Variants in ROBO2 observed in about 807,000 individuals in gnomAD.
The protein encoded by ROBO2 is roundabout guidance receptor 2.
ROBO2 carries 53 observed loss-of-function variants against 160.8 expected under a neutral mutation model. That is an observed-to-expected ratio of 0.33 (90% CI 0.26 to 0.41). The LOEUF is 0.41. Among genes scored for constraint, ROBO2 ranks in the 10% least tolerant of loss-of-function variants. ROBO2 has a pLI of 1.00. For missense variants in ROBO2, 1,577 were observed against 1,722.4 expected (o/e 0.92, Z 1.49); for synonymous variants, 664 against 611.7 (o/e 1.09, Z -1.26).
intron 2 of ROBO2, among the ~76,000 whole-genome samples, chr3:77,164,776 CGCCCGGCCAGCCGCCCCGTCCGGGAGG>C (rs2078875496): frequency 8.5e-4 from 6 of 7,046 alleles, no homozygotes; most frequent in Admixed American, 5.3e-3. Flanking sequence ...GTCAGACCCC[CGCCCGGCCAGCCGCCCCGTCCGGGAGG>C]TGAGGGGCGC....
rs1649691679 is a variant in ROBO2 at position 76,314,671 on chromosome 3, C to T, written c.109+377069C>T. Among the ~76,000 whole-genome samples, 3 of 152,042 alleles carry T rather than the reference C, an allele frequency of 2.0e-5. No homozygotes were observed. The South Asian group carries it at 6.2e-4, about 32-fold the overall frequency. ...AGGAATAGTAGATGTATTTTCTCTT[C>T]CTTACGATTTTCTTAATAACATTTT... On this transcript the variant is annotated intron_variant, in intron 2 of 26. Coordinates refer to the ROBO2 transcript ENST00000487694.
At chr3:77,158,776 C>T (rs754542194) in intron 2 of ROBO2, among the ~76,000 whole-genome samples, 1 of 151,966 alleles carries the variant, frequency 6.6e-6, no homozygotes, top group Non-Finnish European at 1.5e-5. Flanking sequence ...TTATTTATTC[C>T]ACTTCTGATA....
chr3:76,412,576 G>T (rs938635176), intron 2 of ROBO2, among the ~76,000 whole-genome samples: 3 of 152,148 alleles, frequency 2.0e-5, no homozygotes, highest in Admixed American at 2.0e-4. Context: ...GAAGAAATTA[G>T]CCCAAACAAA....
At chr3:75,947,939 A>C (rs1948379467) in intron 2 of ROBO2, among the ~76,000 whole-genome samples, 1 of 152,230 alleles carries the variant, frequency 6.6e-6, no homozygotes, top group Non-Finnish European at 1.5e-5. Context: ...TTAGATAAAG[A>C]GGAAGTCCTC....
At chr3:77,020,235 A>G (rs534713028) in intron 2 of ROBO2, among the ~76,000 whole-genome samples, 1 of 152,338 alleles carries the variant, frequency 6.6e-6, no homozygotes, top group Non-Finnish European at 1.5e-5. Context: ...AGTTAAATGT[A>G]AAAATAAAGC....
chr3:77,050,568 GT>G (rs57810780), intron 1 of ROBO2, among the ~76,000 whole-genome samples: 124,087 of 144,386 alleles, frequency 0.86, 53,482 homozygotes, highest in Non-Finnish European at 0.92. Flanking sequence ...GCTTTTGTGT[GT>G]TTTTTTTTTT....
chr3:77,319,448 C>T (rs1414372010), intron 2 of ROBO2, among the ~76,000 whole-genome samples: 3 of 152,102 alleles, frequency 2.0e-5, no homozygotes, highest in Admixed American at 6.5e-5. Context: ...ACTGATAACC[C>T]AATTGCTCAT....
chr3:77,058,024 T>C (rs958118719), intron 1 of ROBO2, among the ~76,000 whole-genome samples: 6 of 152,186 alleles, frequency 3.9e-5, no homozygotes, highest in African/African-American at 1.4e-4. Flanking sequence ...TGGATTTTGA[T>C]TGAACGTTAA....
intron 2 of ROBO2, chr3:76,435,302 T>C (rs1225782401): frequency 1.2e-5 from 12 of 971,072 alleles, no homozygotes; most frequent in Non-Finnish European, 2.0e-5. Context: ...GTGCCAAATC[T>C]TCCTAGATGA....
intron 2 of ROBO2, among the ~76,000 whole-genome samples, chr3:76,091,359 A>C (rs1461539191): frequency 6.6e-6 from 1 of 152,196 alleles, no homozygotes; most frequent in African/African-American, 2.4e-5. Context: ...TAATTAAGGA[A>C]TCGCAAATTG....
At chr3:76,717,659 T>C (rs1384908613) in intron 2 of ROBO2, among the ~76,000 whole-genome samples, 3 of 152,040 alleles carry the variant, frequency 2.0e-5, no homozygotes, top group African/African-American at 7.2e-5. Flanking sequence ...AAAGGAAATA[T>C]GAACAATAGG....
intron 6 of ROBO2, among the ~76,000 whole-genome samples, chr3:77,544,260 A>G (rs375094023): frequency 6.6e-6 from 1 of 152,258 alleles, no homozygotes; most frequent in East Asian, 1.9e-4. Flanking sequence ...ACAAAAATCA[A>G]TGTATCTGCT....
intron 2 of ROBO2, among the ~76,000 whole-genome samples, chr3:77,347,509 A>G (rs1259043882): frequency 6.6e-6 from 1 of 151,936 alleles, no homozygotes; most frequent in African/African-American, 2.4e-5. Flanking sequence ...ATAGTGTGTC[A>G]TATCTCCCCT....
At chr3:77,369,046 T>G (rs2071365690) in intron 2 of ROBO2, among the ~76,000 whole-genome samples, 1 of 152,130 alleles carries the variant, frequency 6.6e-6, no homozygotes. Context: ...AAATTACAGT[T>G]TCACATATAA....
intron 2 of ROBO2, among the ~76,000 whole-genome samples, chr3:76,779,181 AGT>A (rs1560546293): frequency 4.0e-5 from 6 of 151,032 alleles, no homozygotes; most frequent in African/African-American, 1.5e-4. Context: ...AAAATATTGA[AGT>A]AAGATTTACA....
At chr3:76,665,964 A>ATAATATATATAATATATACATG (rs2092014629) in intron 2 of ROBO2, among the ~76,000 whole-genome samples, 3 of 142,044 alleles carry the variant, frequency 2.1e-5, no homozygotes, top group African/African-American at 5.2e-5. Context: ...ATATATACAT[A>ATAATATATATAATATATACATG]TAATATATAT....
At chr3:77,582,248 C>T (rs887951512) in intron 16 of ROBO2, among the ~76,000 whole-genome samples, 11 of 152,138 alleles carry the variant, frequency 7.2e-5, no homozygotes, top group Non-Finnish European at 1.5e-4. Flanking sequence ...ACTACAGGCA[C>T]ATGCCACCAC....
At chr3:75,966,074 T>A (rs1949099075) in intron 2 of ROBO2, among the ~76,000 whole-genome samples, 1 of 151,740 alleles carries the variant, frequency 6.6e-6, no homozygotes, top group Admixed American at 6.6e-5. Context: ...AGCATGTTCA[T>A]CTTAACTTGA....
At chr3:77,550,569 T>C (rs937086973) in intron 7 of ROBO2, among the ~76,000 whole-genome samples, 4 of 152,068 alleles carry the variant, frequency 2.6e-5, no homozygotes, top group Non-Finnish European at 2.9e-5. Flanking sequence ...ATCCCCATTC[T>C]TTAAAAACAC....
Sources: gnomAD v4.1 joint callset for allele counts (sites outside exome capture counted in the v4.1 genomes callset) on GRCh38, gnomAD v4.1.1 for gene constraint, MANE v1.5 for transcripts, NCBI Gene and HGNC (gene_info 2026-07-23, HGNC 2026-07-21) for gene names.